The following GALNT13 variants were observed in gnomAD, a reference collection of about 807,000 sequenced individuals.
The protein encoded by GALNT13 is UDP-GalNAc:polypeptide N-acetylgalactosaminyltransferase 13.
In GALNT13, 28 loss-of-function variants were observed where a neutral mutation model predicts 64.2. The observed-to-expected ratio is 0.44, with a 90% CI of 0.32 to 0.60. The LOEUF is 0.60. Ranked by LOEUF, GALNT13 falls within the 20% of genes least tolerant of loss-of-function variation. The probability of loss-of-function intolerance (pLI) is 0.05; values close to 1 mark genes in which losing one functional copy is unlikely to be tolerated. For synonymous variants in GALNT13, 214 were observed against 224.6 expected, an observed-to-expected ratio of 0.95 and a Z score of 0.42; for missense variants, 577 against 669.8, an observed-to-expected ratio of 0.86 and a Z score of 1.53.
chr2:153,213,861 G>T, the GALNT13 span, among the ~76,000 whole-genome samples: 1 of 152,132 alleles, frequency 6.6e-6, no homozygotes, highest in Non-Finnish European at 1.5e-5. Flanking sequence ...AAGCTAATGA[G>T]AACTGGTATT....
chr2:153,361,327 CA>C, the GALNT13 span, among the ~76,000 whole-genome samples: 1 of 152,068 alleles, frequency 6.6e-6, no homozygotes, highest in Non-Finnish European at 1.5e-5. Flanking sequence ...ATGATCACAA[CA>C]CCTCTCCAGC....
the GALNT13 span, among the ~76,000 whole-genome samples, chr2:153,811,457 C>T: frequency 6.6e-6 from 1 of 152,142 alleles, no homozygotes; most frequent in Non-Finnish European, 1.5e-5. Context: ...TCTTTATTGA[C>T]TTTATCTTCA....
At chr2:154,150,140 G>A (rs567654651) in intron 4 of GALNT13, among the ~76,000 whole-genome samples, 1 of 152,266 alleles carries the variant, frequency 6.6e-6, no homozygotes, top group Non-Finnish European at 1.5e-5. Flanking sequence ...AGCATGAAGA[G>A]TTGTTGAATT....
chr2:154,160,314 T>C (rs1025154946), intron 4 of GALNT13, among the ~76,000 whole-genome samples: 8 of 152,190 alleles, frequency 5.3e-5, no homozygotes, highest in Admixed American at 1.3e-4. Flanking sequence ...CTGATTTCTT[T>C]CAGTCTCTCT....
the GALNT13 span, among the ~76,000 whole-genome samples, chr2:153,601,455 T>A: frequency 6.6e-6 from 1 of 151,940 alleles, no homozygotes; most frequent in African/African-American, 2.4e-5. Context: ...ATATTTTTCC[T>A]TGAGGAGAGA....
At chr2:153,799,618 T>C in the GALNT13 span, among the ~76,000 whole-genome samples, 1 of 152,158 alleles carries the variant, frequency 6.6e-6, no homozygotes, top group Non-Finnish European at 1.5e-5. Context: ...TAGTCAGTTA[T>C]ATTATTGTCA....
rs1460462183 is a variant in GALNT13, at chr2:154,147,894, T to G, written c.311+7389T>G. 2.6e-5 allele frequency among the ~76,000 whole-genome samples: 4 copies of G among 151,848 alleles called. No individual in the cohort carries two copies. The East Asian group carries it at 5.8e-4, about 22-fold the overall frequency. ...TCTTATATTTCTTTCTTTTTTTTTT[T>G]GCTGGGATTTTGCTTTTATTTTTTA... is the stretch of plus-strand genomic sequence containing the variant. On this transcript the variant is annotated intron_variant, in intron 4 of 12. Coordinates refer to ENST00000392825, the MANE Select transcript of GALNT13 (RefSeq NM_052917.4).
At chr2:153,748,250 C>A in the GALNT13 span, among the ~76,000 whole-genome samples, 1 of 152,176 alleles carries the variant, frequency 6.6e-6, no homozygotes, top group East Asian at 1.9e-4. Context: ...GTGTGAGCAA[C>A]TTTCAATATG....
chr2:154,199,836 A>C (rs1440524901), intron 4 of GALNT13, among the ~76,000 whole-genome samples: 1 of 152,064 alleles, frequency 6.6e-6, no homozygotes, highest in East Asian at 1.9e-4. Flanking sequence ...TAGGGTAAGT[A>C]ATCTTTTATC....
At chr2:154,353,094 ATT>A (rs1696503577) in intron 9 of GALNT13, among the ~76,000 whole-genome samples, 1 of 152,154 alleles carries the variant, frequency 6.6e-6, no homozygotes, top group Non-Finnish European at 1.5e-5. Flanking sequence ...CAACTCAGCC[ATT>A]TATTGTTGTG....
chr2:154,450,373 C>T (rs697648), intron 12 of GALNT13, 38 bp from the exon 13 acceptor site: 1,561,081 of 1,566,438 alleles, frequency 1, 778,044 homozygotes, highest in East Asian at 1. Context: ...AAGCTAAAGA[C>T]GAAATAAGCT....
intron 4 of GALNT13, among the ~76,000 whole-genome samples, chr2:154,173,937 G>T (rs1435941776): frequency 6.6e-6 from 1 of 152,074 alleles, no homozygotes; most frequent in African/African-American, 2.4e-5. Flanking sequence ...ACACACTGTT[G>T]GTGAGAATGT....
chr2:153,633,500 A>T, the GALNT13 span, among the ~76,000 whole-genome samples: 1 of 152,128 alleles, frequency 6.6e-6, no homozygotes, highest in Admixed American at 6.6e-5. Flanking sequence ...TAGATTCTAG[A>T]TATATGTTAT....
the GALNT13 span, among the ~76,000 whole-genome samples, chr2:153,109,838 T>A: frequency 3.9e-5 from 6 of 152,218 alleles, no homozygotes; most frequent in South Asian, 1.2e-3. Context: ...CTGTATCGGG[T>A]TTGAAAGCTA....
At chr2:154,394,569 C>G (rs1698969624) in intron 9 of GALNT13, among the ~76,000 whole-genome samples, 1 of 152,170 alleles carries the variant, frequency 6.6e-6, no homozygotes, top group Non-Finnish European at 1.5e-5. Flanking sequence ...AATGTCATCT[C>G]TTTATATGAT....
At chr2:154,445,980 T>G in intron 12 of GALNT13, 1 of 428,452 alleles carries the variant, frequency 2.3e-6, no homozygotes, top group South Asian at 1.8e-5. Flanking sequence ...TCTTTTTCTT[T>G]TTCCTCCCTT....
the GALNT13 span, among the ~76,000 whole-genome samples, chr2:153,714,878 T>C: frequency 4.4e-4 from 67 of 152,352 alleles, no homozygotes; most frequent in African/African-American, 1.4e-3. Context: ...TTCATTCATT[T>C]GAGTCTCAAA....
At position 154,086,473 on chromosome 2, in the gene GALNT13, C is replaced by T. The variant is rs973916330; in HGVS notation, c.143-53864C>T. The stretch of plus-strand genomic sequence containing the variant: ...ATGTAAATATATTATTTATATAAAT[C>T]TTAAGATATAGGTATGGGCAATTTT... On this transcript the variant is annotated intron_variant, in intron 3 of 12. Coordinates refer to ENST00000392825, the MANE Select transcript of GALNT13 (RefSeq NM_052917.4). Among the ~76,000 whole-genome samples the T allele has an allele frequency of 4.0e-5, 6 of 148,512 alleles. No homozygotes were observed. The Admixed American group carries it at 4.1e-4, about 10-fold the overall frequency.
the GALNT13 span, among the ~76,000 whole-genome samples, chr2:153,208,631 T>C: frequency 2.0e-5 from 3 of 152,190 alleles, no homozygotes; most frequent in Non-Finnish European, 4.4e-5. Flanking sequence ...AGTCTTTGTG[T>C]AGGCATTCAT....
Sources: gnomAD v4.1 joint callset for allele counts (sites outside exome capture counted in the v4.1 genomes callset) on GRCh38, gnomAD v4.1.1 for gene constraint, MANE v1.5 for transcripts, NCBI Gene and HGNC (gene_info 2026-07-23, HGNC 2026-07-21) for gene names.